MYO10: variants seen among roughly 807,000 people sequenced by gnomAD.
MYO10 encodes the protein myosin X.
A neutral mutation model predicts 257.3 loss-of-function variants in MYO10; 133 were observed. The ratio of observed to expected loss-of-function variants is 0.52; its 90% confidence interval spans 0.45 to 0.60. The LOEUF is 0.60. Among genes scored for constraint, MYO10 ranks in the 20% least tolerant of loss-of-function variants. The pLI, the probability that MYO10 is intolerant of heterozygous loss-of-function variation, is 0.00. For synonymous variants in MYO10, 1,104 were observed against 1,028.6 expected (o/e 1.07, Z -1.40); for missense variants, 2,399 against 2,635.7 (o/e 0.91, Z 1.97).
At chr5:16,783,022 C>T (rs1741468124) in intron 5 of MYO10, among the ~76,000 whole-genome samples, 6 of 152,194 alleles carry the variant, frequency 3.9e-5, no homozygotes, top group Admixed American at 3.9e-4. Context: ...AACTCCAATA[C>T]AAGTGCCTTA....
At chr5:16,893,202 A>C (rs897047951) in intron 1 of MYO10, among the ~76,000 whole-genome samples, 2 of 146,452 alleles carry the variant, frequency 1.4e-5, no homozygotes, top group Non-Finnish European at 3.0e-5. Flanking sequence ...GTCTCAAAAA[A>C]AAAAAAAAAA....
At chr5:16,866,058 C>A (rs1809470) in intron 2 of MYO10, among the ~76,000 whole-genome samples, 8 of 131,530 alleles carry the variant, frequency 6.1e-5, no homozygotes, top group African/African-American at 1.1e-4. Flanking sequence ...CACACACACA[C>A]AAAACAATAG....
intron 9 of MYO10, among the ~76,000 whole-genome samples, chr5:16,776,896 A>C (rs1474678218): frequency 6.6e-6 from 1 of 152,224 alleles, no homozygotes; most frequent in African/African-American, 2.4e-5. Flanking sequence ...GTGGATAATC[A>C]GGTGTCTTGT....
chr5:16,674,942 G>A lies in MYO10; in HGVS notation c.4875C>T (p.Asn1625=). ...NKVPHPGSVG[N]LYSWQILTCL... is the part of the protein sequence containing the mutation. ...ATGTCAGGATCTGCCAGCTGTACAG[G>A]TTGCCCACACTGCCGGGGTGGGGCA... Residue 1625 remains asparagine (N), a synonymous_variant, in exon 35 of 41, where the codon AAC becomes AAT. Transcript: ENST00000513610. 1 of 1,613,978 alleles carries A rather than the reference G, an allele frequency of 6.2e-7. No individual in the cohort carries two copies. The highest frequency in any genetic ancestry group is 8.5e-7 in the Non-Finnish European group (1 of 1,179,890).
At chr5:16,776,186 T>C (rs1395560664) in intron 9 of MYO10, among the ~76,000 whole-genome samples, 1 of 152,190 alleles carries the variant, frequency 6.6e-6, no homozygotes, top group Non-Finnish European at 1.5e-5. Context: ...CATGAGCCAC[T>C]GTACCCCGCC....
intron 19 of MYO10, among the ~76,000 whole-genome samples, chr5:16,736,653 A>G (rs1010230051): frequency 9.2e-5 from 14 of 152,218 alleles, no homozygotes; most frequent in African/African-American, 3.4e-4. Context: ...ATGTAAACTG[A>G]CTAGCTCAAG....
At position 16,754,911 on chromosome 5, in the gene MYO10, AT is replaced by A; in HGVS notation, c.1849-4del. 1 of 1,570,934 alleles carries A rather than the reference AT, an allele frequency of 6.4e-7. No homozygotes were observed. The highest frequency in any genetic ancestry group is 1.8e-5 in the Admixed American group (1 of 56,968). The stretch of plus-strand genomic sequence containing the variant: ...GCCATTAAGGAATGCAGTGAGTCCT[AT>A]TAGAAAAAGTATATGTTGATTTAGT... On this transcript the variant is annotated splice_polypyrimidine_tract_variant and splice_region_variant and intron_variant, in intron 18 of 40. Coordinates refer to ENST00000513610, the MANE Select transcript of MYO10 (RefSeq NM_012334.3).
chr5:16,696,663 C>T (rs942160185), intron 26 of MYO10, among the ~76,000 whole-genome samples: 2 of 129,468 alleles, frequency 1.5e-5, no homozygotes, highest in African/African-American at 6.0e-5. Flanking sequence ...CAAGACCAGC[C>T]TGGCCAACAT....
chr5:16,752,445 G>C (rs537919310), intron 19 of MYO10, among the ~76,000 whole-genome samples: 1 of 152,220 alleles, frequency 6.6e-6, no homozygotes, highest in Non-Finnish European at 1.5e-5. Flanking sequence ...ACCACGCCTG[G>C]CTAATTTTTG....
chr5:16,893,073 T>A (rs569504037), intron 1 of MYO10, among the ~76,000 whole-genome samples: 1 of 151,546 alleles, frequency 6.6e-6, no homozygotes, highest in African/African-American at 2.4e-5. Flanking sequence ...GGCGGGCGCC[T>A]GTAGTCCCAG....
chr5:16,761,325 C>A, intron 17 of MYO10, 139 bp downstream of exon 17: 2 of 678,362 alleles, frequency 2.9e-6, no homozygotes, highest in Non-Finnish European at 5.1e-6. Context: ...TGAGTTACTT[C>A]ATTGATGAAG....
chr5:16,782,922 C>G (rs934418221), intron 5 of MYO10, among the ~76,000 whole-genome samples: 4 of 152,230 alleles, frequency 2.6e-5, no homozygotes, highest in Admixed American at 6.5e-5. Context: ...CGTCTCCACG[C>G]TAAGCCCCCT....
intron 40 of MYO10, among the ~76,000 whole-genome samples, chr5:16,667,318 G>A (rs985128141): frequency 6.6e-6 from 1 of 152,114 alleles, no homozygotes; most frequent in African/African-American, 2.4e-5. Context: ...TCCTCCAGCT[G>A]GGATCTCCAT....
At chr5:16,818,381 C>CGT (rs66684462) in intron 2 of MYO10, among the ~76,000 whole-genome samples, 3,285 of 133,974 alleles carry the variant, frequency 0.025, 148 homozygotes, top group African/African-American at 0.092. Flanking sequence ...TGTGTGTGTG[C>CGT]GTGTGTGTGT....
chr5:16,859,180 T>C (rs953901628), intron 2 of MYO10, among the ~76,000 whole-genome samples: 10 of 152,208 alleles, frequency 6.6e-5, no homozygotes, highest in Non-Finnish European at 1.2e-4. Context: ...TACCACAGAC[T>C]GGATGGCTAA....
At chr5:16,725,550 A>G (rs1579912494) in intron 19 of MYO10, among the ~76,000 whole-genome samples, 1 of 152,286 alleles carries the variant, frequency 6.6e-6, no homozygotes, top group African/African-American at 2.4e-5. Context: ...ATGATGATAA[A>G]ATTAAGTGTG....
intron 1 of MYO10, among the ~76,000 whole-genome samples, chr5:16,886,350 A>T (rs746530013): frequency 2.2e-4 from 34 of 152,290 alleles, no homozygotes; most frequent in African/African-American, 7.7e-4. Flanking sequence ...CTGGAGAACA[A>T]TTATAGACGT....
intron 22 of MYO10, among the ~76,000 whole-genome samples, chr5:16,704,165 T>A (rs957844671): frequency 1.3e-4 from 20 of 150,496 alleles, no homozygotes; most frequent in East Asian, 4.0e-4. Flanking sequence ...AAAAAAAAAA[T>A]TTTTTTTTAA....
At chr5:16,789,948 C>T (rs961859776) in intron 4 of MYO10, among the ~76,000 whole-genome samples, 8 of 152,124 alleles carry the variant, frequency 5.3e-5, no homozygotes, top group Non-Finnish European at 1.2e-4. Context: ...GAGGAATACA[C>T]AAGAATAAGT....
Sources: allele counts gnomAD v4.1 joint callset (sites outside exome capture counted in the v4.1 genomes callset), GRCh38; gene constraint gnomAD v4.1.1; transcripts MANE v1.5; gene names NCBI Gene and HGNC (gene_info 2026-07-23, HGNC 2026-07-21).